The following PLCL1 variants were observed in gnomAD, a reference collection of about 807,000 sequenced individuals.
PLCL1 encodes the protein inactive phospholipase C-like protein 1.
A neutral mutation model predicts 84.4 loss-of-function variants in PLCL1; 41 were observed. The observed-to-expected ratio is 0.49, with a 90% CI of 0.38 to 0.63. PLCL1 has a LOEUF of 0.63. Ranked by LOEUF, PLCL1 falls within the 30% of genes least tolerant of loss-of-function variation. PLCL1 has a pLI of 0.00. For synonymous variants in PLCL1, 490 were observed against 488.3 expected, an observed-to-expected ratio of 1.00 and a Z score of -0.05; for missense variants, 1,206 against 1,367.8, an observed-to-expected ratio of 0.88 and a Z score of 1.87.
intron 1 of PLCL1, among the ~76,000 whole-genome samples, chr2:197,954,075 A>G (rs372131873): frequency 6.6e-6 from 1 of 152,258 alleles, no homozygotes. Context: ...TAATACTGGG[A>G]CTGACATCCT....
chr2:197,851,111 G>A (rs1687227805), intron 1 of PLCL1, among the ~76,000 whole-genome samples: 1 of 152,182 alleles, frequency 6.6e-6, no homozygotes, highest in African/African-American at 2.4e-5. Context: ...ACATGTGTGT[G>A]CATTGCACGT....
intron 1 of PLCL1, among the ~76,000 whole-genome samples, chr2:197,916,052 T>G (rs1430489031): frequency 6.6e-6 from 1 of 152,206 alleles, no homozygotes; most frequent in Admixed American, 6.5e-5. Flanking sequence ...GTTGAAACCT[T>G]CCTTTGTCCT....
rs770168031 is a variant in PLCL1, at chr2:198,084,882, C to G, written c.1365C>G (p.Ile455Met). ...DVSDGSDNEP[I>M]LCNRNNMTTH... Reference sequence around the variant, plus strand: ...GTGATGGTTCAGATAATGAACCAATCCTTTGTAATCGAAATAACATGACAA... The same window carrying G: ...GTGATGGTTCAGATAATGAACCAATGCTTTGTAATCGAAATAACATGACAA... The change falls in exon 2 of 6, where the codon ATC (isoleucine) becomes ATG (methionine). Residue 455 changes from isoleucine (I) to methionine (M), a missense_variant. Ile to Met is a conservative substitution (Grantham distance 10, BLOSUM62 1). Coordinates refer to ENST00000428675, the MANE Select transcript of PLCL1 (RefSeq NM_006226.4). The G allele has an allele frequency of 1.2e-6, 2 of 1,613,916 alleles. No individual in the cohort carries two copies. Among genetic ancestry groups the G allele is most frequent in the Non-Finnish European group, 1.7e-6 (2 of 1,179,922 alleles).
intron 1 of PLCL1, among the ~76,000 whole-genome samples, chr2:197,924,636 G>A (rs76192618): frequency 0.011 from 1,683 of 151,790 alleles, 39 homozygotes; most frequent in African/African-American, 0.038. Context: ...TTAATGAAGC[G>A]CTCACAGGGT....
At chr2:197,850,970 A>T (rs1425875783) in intron 1 of PLCL1, among the ~76,000 whole-genome samples, 1 of 152,186 alleles carries the variant, frequency 6.6e-6, no homozygotes, top group African/African-American at 2.4e-5. Context: ...TCTCCTAAAA[A>T]TTGATTTGCC....
chr2:198,090,725 G>T (rs1693006300), intron 3 of PLCL1, among the ~76,000 whole-genome samples: 1 of 152,176 alleles, frequency 6.6e-6, no homozygotes, highest in Non-Finnish European at 1.5e-5. Context: ...CCATCTAAGA[G>T]GTGAAATTAG....
chr2:197,856,785 A>G (rs1454649213), intron 1 of PLCL1, among the ~76,000 whole-genome samples: 1 of 152,198 alleles, frequency 6.6e-6, no homozygotes, highest in Admixed American at 6.5e-5. Flanking sequence ...GAAATGAGCC[A>G]TTATTTTGCC....
At chr2:198,038,844 CAA>C (rs11299150) in intron 1 of PLCL1, among the ~76,000 whole-genome samples, 29 of 120,374 alleles carry the variant, frequency 2.4e-4, no homozygotes, top group African/African-American at 5.6e-4. Flanking sequence ...CATTAAAGGT[CAA>C]AAAAAAAAAA....
chr2:198,103,983 C>T, intron 5 of PLCL1, 47 bp downstream of exon 5: 1 of 879,530 alleles, frequency 1.1e-6, no homozygotes, highest in South Asian at 1.7e-5. Context: ...TTTTCTTCTC[C>T]TCATCTCTCC....
At chr2:198,103,091 T>A (rs1693383144) in intron 4 of PLCL1, among the ~76,000 whole-genome samples, 1 of 152,076 alleles carries the variant, frequency 6.6e-6, no homozygotes, top group African/African-American at 2.4e-5. Flanking sequence ...CTCATTGTTA[T>A]CTATGTGGGT....
At chr2:197,954,876 A>G (rs1253963900) in intron 1 of PLCL1, among the ~76,000 whole-genome samples, 1 of 152,088 alleles carries the variant, frequency 6.6e-6, no homozygotes, top group Non-Finnish European at 1.5e-5. Flanking sequence ...AAAGTGTATT[A>G]CAGGAAATTG....
chr2:198,077,089 C>T (rs1054973782), intron 1 of PLCL1, among the ~76,000 whole-genome samples: 2 of 152,116 alleles, frequency 1.3e-5, no homozygotes, highest in Admixed American at 6.6e-5. Flanking sequence ...GCCTGTTATT[C>T]GGTCTCATTT....
chr2:197,870,773 C>G (rs1448733968), intron 1 of PLCL1, among the ~76,000 whole-genome samples: 6 of 151,090 alleles, frequency 4.0e-5, no homozygotes, highest in Admixed American at 4.0e-4. Flanking sequence ...CCTTTGAGCT[C>G]GAATAGAACT....
At chr2:198,102,410 C>T (rs1363251820) in intron 4 of PLCL1, among the ~76,000 whole-genome samples, 2 of 152,038 alleles carry the variant, frequency 1.3e-5, no homozygotes, top group African/African-American at 2.4e-5. Flanking sequence ...GCTCCACACT[C>T]ATGTTCTTTA....
intron 1 of PLCL1, among the ~76,000 whole-genome samples, chr2:197,907,431 G>T (rs1688407912): frequency 6.6e-6 from 1 of 151,800 alleles, no homozygotes; most frequent in Non-Finnish European, 1.5e-5. Flanking sequence ...TGGAGACGGG[G>T]TTTCACATAT....
intron 1 of PLCL1, among the ~76,000 whole-genome samples, chr2:197,930,615 TG>T (rs1688912956): frequency 6.6e-6 from 1 of 152,164 alleles, no homozygotes; most frequent in Admixed American, 6.6e-5. Context: ...GGAAAAATAA[TG>T]TATGTTCATA....
intron 1 of PLCL1, chr2:198,070,998 A>G (rs1013837799): frequency 1.3e-5 from 11 of 878,884 alleles, no homozygotes; most frequent in South Asian, 5.2e-5. Flanking sequence ...ACTATCACCA[A>G]TTGGAATATA....
intron 5 of PLCL1, among the ~76,000 whole-genome samples, chr2:198,138,495 C>CAT (rs1362510739): frequency 6.6e-6 from 1 of 152,158 alleles, no homozygotes; most frequent in East Asian, 1.9e-4. Flanking sequence ...CAAACCATAT[C>CAT]ACCCTCTAAA....
intron 1 of PLCL1, among the ~76,000 whole-genome samples, chr2:197,931,037 G>C (rs945158825): frequency 3.3e-5 from 5 of 152,114 alleles, no homozygotes; most frequent in African/African-American, 4.8e-5. Flanking sequence ...AGGGTGGCAG[G>C]GCAGGTAAGT....
Sources: gnomAD v4.1 joint callset for allele counts (sites outside exome capture counted in the v4.1 genomes callset) on GRCh38, gnomAD v4.1.1 for gene constraint, MANE v1.5 for transcripts, NCBI Gene and HGNC (gene_info 2026-07-23, HGNC 2026-07-21) for gene names.